WDPCP: variants seen among roughly 807,000 people sequenced by gnomAD.
WDPCP encodes WD repeat-containing and planar cell polarity effector protein fritz homolog.
Under a neutral mutation model 93.1 loss-of-function variants are expected in WDPCP, and 71 were observed. The ratio of observed to expected loss-of-function variants is 0.76; its 90% CI spans 0.63 to 0.93. WDPCP has a LOEUF of 0.93. WDPCP is among the 40% of genes least tolerant of loss of function. The pLI is 0.00. For missense variants in WDPCP, 844 were observed against 887.4 expected (o/e 0.95, Z 0.62); for synonymous variants, 315 against 315.0 (o/e 1.00, Z 0.00).
intron 2 of WDPCP, 102 bp from the exon 3 acceptor site, chr2:63,487,596 A>G: frequency 1.2e-6 from 1 of 816,064 alleles, no homozygotes; most frequent in Non-Finnish European, 2.0e-6. Context: ...GAAAAGCAGA[A>G]ACAGTCTCCT....
At chr2:63,612,897 T>C (rs996993844) in intron 3 of WDPCP, among the ~76,000 whole-genome samples, 8 of 152,002 alleles carry the variant, frequency 5.3e-5, no homozygotes, top group African/African-American at 1.7e-4. Flanking sequence ...TTTCTCCCCA[T>C]AGGTTTTTTC....
At chr2:63,641,306 C>T (rs1367125624) in intron 3 of WDPCP, among the ~76,000 whole-genome samples, 7 of 152,114 alleles carry the variant, frequency 4.6e-5, no homozygotes, top group Non-Finnish European at 7.4e-5. Flanking sequence ...CTTCAATATG[C>T]TGATTTCCTT....
At chr2:63,152,259 A>G (rs1460458798) in intron 17 of WDPCP, among the ~76,000 whole-genome samples, 2 of 148,400 alleles carry the variant, frequency 1.3e-5, no homozygotes, top group Admixed American at 1.3e-4. Context: ...TCAGTTATCA[A>G]CTCCTGGCTA....
chr2:63,775,033 G>T (rs1389860083), intron 2 of WDPCP, among the ~76,000 whole-genome samples: 1 of 152,150 alleles, frequency 6.6e-6, no homozygotes, highest in East Asian at 1.9e-4. Flanking sequence ...TTTGCAAAGA[G>T]ATGCTAATCC....
chr2:63,422,122 T>C (rs1370098504), intron 9 of WDPCP, among the ~76,000 whole-genome samples: 3 of 152,060 alleles, frequency 2.0e-5, no homozygotes, highest in South Asian at 2.1e-4. Flanking sequence ...AGGCGTAAAA[T>C]ACCATTTTCC....
chr2:63,327,338 A>G (rs1051799463), intron 12 of WDPCP, among the ~76,000 whole-genome samples: 26 of 152,354 alleles, frequency 1.7e-4, no homozygotes, highest in African/African-American at 5.1e-4. Flanking sequence ...GGTTTTATTA[A>G]TATCAAAGAA....
chr2:63,629,153 G>GA (rs1709840493), intron 3 of WDPCP, among the ~76,000 whole-genome samples: 1 of 152,052 alleles, frequency 6.6e-6, no homozygotes, highest in African/African-American at 2.4e-5. Context: ...GACAAACAAA[G>GA]AAAAAAGCCC....
chr2:63,815,593 C>G (rs1356049209), intron 1 of WDPCP, among the ~76,000 whole-genome samples: 1 of 152,196 alleles, frequency 6.6e-6, no homozygotes, highest in Non-Finnish European at 1.5e-5. Context: ...AAGTGACATT[C>G]AGACACATAC....
chr2:63,454,026 A>T (rs1575449950), intron 6 of WDPCP, among the ~76,000 whole-genome samples: 2 of 151,994 alleles, frequency 1.3e-5, no homozygotes, highest in East Asian at 3.9e-4. Flanking sequence ...TAATGGGTGC[A>T]GCACACCAAT....
intron 1 of WDPCP, among the ~76,000 whole-genome samples, chr2:63,581,263 G>A (rs1170321514): frequency 6.6e-6 from 1 of 152,182 alleles, no homozygotes; most frequent in Non-Finnish European, 1.5e-5. Flanking sequence ...CTTGAGTTGA[G>A]CAGACAGAAC....
intron 2 of WDPCP, among the ~76,000 whole-genome samples, chr2:63,672,086 T>C (rs1212144570): frequency 6.6e-6 from 1 of 152,192 alleles, no homozygotes; most frequent in African/African-American, 2.4e-5. Context: ...CTCTACATTA[T>C]AGGGGGTCTA....
At chr2:63,817,825 C>T (rs988413961) in intron 1 of WDPCP, among the ~76,000 whole-genome samples, 1 of 152,218 alleles carries the variant, frequency 6.6e-6, no homozygotes, top group African/African-American at 2.4e-5. Context: ...CTTGCTCTAA[C>T]ATTCTGTGAT....
chr2:63,245,096 G>A (rs1488849335), intron 14 of WDPCP, among the ~76,000 whole-genome samples: 5 of 152,140 alleles, frequency 3.3e-5, no homozygotes, highest in African/African-American at 4.8e-5. Flanking sequence ...TTTATTAAAT[G>A]TTCCCAAGGA....
At chr2:63,205,159 G>A (rs751286838) in intron 14 of WDPCP, among the ~76,000 whole-genome samples, 11 of 152,106 alleles carry the variant, frequency 7.2e-5, no homozygotes, top group Admixed American at 1.3e-4. Flanking sequence ...CTGGAGGTGC[G>A]TGGATTTGTT....
the WDPCP span, among the ~76,000 whole-genome samples, chr2:63,835,491 C>G: frequency 6.6e-6 from 1 of 151,698 alleles, no homozygotes; most frequent in East Asian, 1.9e-4. Flanking sequence ...ATTTGCACTC[C>G]TTTCTGTTTT....
At chr2:63,449,749 T>A (rs1356718017) in intron 6 of WDPCP, among the ~76,000 whole-genome samples, 1 of 152,036 alleles carries the variant, frequency 6.6e-6, no homozygotes, top group African/African-American at 2.4e-5. Context: ...GACAGAAAAC[T>A]TGTACTGGGT....
At chr2:63,793,556 A>G (rs1670574401) in intron 2 of WDPCP, among the ~76,000 whole-genome samples, 1 of 152,192 alleles carries the variant, frequency 6.6e-6, no homozygotes, top group Non-Finnish European at 1.5e-5. Context: ...GATTATAGTG[A>G]GCTATGATTG....
At chr2:63,204,282 T>G (rs1031422291) in intron 14 of WDPCP, among the ~76,000 whole-genome samples, 6 of 152,052 alleles carry the variant, frequency 3.9e-5, no homozygotes, top group African/African-American at 1.4e-4. Flanking sequence ...TAGTTTTGAT[T>G]TGCATTTCTC....
At position 63,256,564 on chromosome 2, in the gene WDPCP, G is replaced by A. The variant is rs987565587; in HGVS notation, c.1915+2743C>T. ...TAGCTACTAAGGCTGCATATCCTAC[G>A]TCACAGGAGTTCAACTTCTAAGCAC... On this transcript the variant is annotated intron_variant, in intron 14 of 17. Coordinates refer to ENST00000272321, the MANE Select transcript of WDPCP (RefSeq NM_015910.7). Among the ~76,000 whole-genome samples, 5 of 142,122 alleles carry A rather than the reference G, an allele frequency of 3.5e-5. No individual in the cohort carries two copies. The East Asian group carries it at 7.9e-4, about 22-fold the overall frequency. 93.2% of individuals were successfully genotyped at this position (142,122 alleles called of 152,430 possible).
Sources: allele counts gnomAD v4.1 joint callset (sites outside exome capture counted in the v4.1 genomes callset), GRCh38; gene constraint gnomAD v4.1.1; transcripts MANE v1.5; gene names NCBI Gene and HGNC (gene_info 2026-07-23, HGNC 2026-07-21).